Variants in LYPLAL1 observed in about 807,000 individuals in gnomAD.
LYPLAL1 encodes the protein lysophospholipase like 1, also known as lysophospholipase-like protein 1.
Under a neutral mutation model 19.7 loss-of-function variants are expected in LYPLAL1, and 23 were observed. That is an observed-to-expected ratio of 1.17 (90% CI 0.84 to 1.65). The LOEUF (loss-of-function observed/expected upper bound fraction) is 1.65, where lower values mean the gene tolerates loss of function less well. Among genes scored for constraint, LYPLAL1 ranks in the 40% most tolerant of loss-of-function variants. The probability of loss-of-function intolerance (pLI) is 0.00; values close to 1 mark genes in which losing one functional copy is unlikely to be tolerated. For missense variants in LYPLAL1, 355 were observed against 279.4 expected, an observed-to-expected ratio of 1.27 and a Z score of -1.93; for synonymous variants, 119 against 96.3, an observed-to-expected ratio of 1.24 and a Z score of -1.38.
chr1:219,302,791 AT>A, the LYPLAL1 span, among the ~76,000 whole-genome samples: 964 of 151,724 alleles, frequency 6.4e-3, 3 homozygotes, highest in Non-Finnish European at 0.011. Context: ...ACATCCTTCT[AT>A]TCTTGATGTT....
At chr1:219,235,772 A>G in the LYPLAL1 span, among the ~76,000 whole-genome samples, 13 of 152,314 alleles carry the variant, frequency 8.5e-5, no homozygotes, top group Admixed American at 7.2e-4. Context: ...TGCTTTATAC[A>G]TGAATTTCCA....
the LYPLAL1 span, among the ~76,000 whole-genome samples, chr1:219,407,215 A>T: frequency 6.6e-6 from 1 of 152,210 alleles, no homozygotes; most frequent in African/African-American, 2.4e-5. Context: ...GGCTAGGAAA[A>T]CAAAAAAAAT....
the LYPLAL1 span, among the ~76,000 whole-genome samples, chr1:219,265,002 C>A: frequency 6.6e-6 from 1 of 152,128 alleles, no homozygotes; most frequent in Non-Finnish European, 1.5e-5. Context: ...AACAATATTT[C>A]TTCTCAAGTA....
chr1:219,438,224 G>T, the LYPLAL1 span, among the ~76,000 whole-genome samples: 251 of 152,300 alleles, frequency 1.6e-3, no homozygotes, highest in African/African-American at 5.8e-3. Context: ...CTCATCTGGA[G>T]ACTTGAGACT....
the LYPLAL1 span, among the ~76,000 whole-genome samples, chr1:219,274,082 T>C: frequency 6.6e-6 from 1 of 152,204 alleles, no homozygotes; most frequent in Non-Finnish European, 1.5e-5. Flanking sequence ...TATAAAGTTT[T>C]GCTGATGGCG....
chr1:219,321,960 C>G, the LYPLAL1 span, among the ~76,000 whole-genome samples: 1 of 152,236 alleles, frequency 6.6e-6, no homozygotes, highest in South Asian at 2.1e-4. Context: ...AGTCCCAATG[C>G]TTTGGATAAA....
the LYPLAL1 span, among the ~76,000 whole-genome samples, chr1:219,291,824 A>G: frequency 6.6e-6 from 1 of 152,108 alleles, no homozygotes; most frequent in Non-Finnish European, 1.5e-5. Flanking sequence ...TTATGTTACA[A>G]AATGCTCCCA....
chr1:219,284,692 G>A, the LYPLAL1 span, among the ~76,000 whole-genome samples: 1 of 152,060 alleles, frequency 6.6e-6, no homozygotes, highest in African/African-American at 2.4e-5. Context: ...TATGATGTAG[G>A]GACTACTGTT....
the LYPLAL1 span, among the ~76,000 whole-genome samples, chr1:219,308,183 T>C: frequency 6.6e-6 from 1 of 152,154 alleles, no homozygotes; most frequent in Admixed American, 6.5e-5. Context: ...TATGGAACTT[T>C]GAACTTGAGA....
At chr1:219,360,861 C>T in the LYPLAL1 span, among the ~76,000 whole-genome samples, 1 of 152,172 alleles carries the variant, frequency 6.6e-6, no homozygotes, top group Non-Finnish European at 1.5e-5. Flanking sequence ...GGGTGGACTT[C>T]TCTACTGGAG....
intron 2 of LYPLAL1, among the ~76,000 whole-genome samples, chr1:219,189,312 T>C (rs997334647): frequency 2.6e-5 from 4 of 151,650 alleles, no homozygotes; most frequent in African/African-American, 9.7e-5. Flanking sequence ...ATAGGCTCAT[T>C]TGAATTTTAA....
At chr1:219,261,362 G>T in the LYPLAL1 span, among the ~76,000 whole-genome samples, 1 of 152,090 alleles carries the variant, frequency 6.6e-6, no homozygotes, top group African/African-American at 2.4e-5. Context: ...AAGGTTTGGG[G>T]TTATATTACT....
chr1:219,367,096 A>G, the LYPLAL1 span, among the ~76,000 whole-genome samples: 7 of 152,138 alleles, frequency 4.6e-5, no homozygotes, highest in African/African-American at 1.7e-4. Flanking sequence ...ACCCCGAGAT[A>G]ACTTTGCCAC....
the LYPLAL1 span, among the ~76,000 whole-genome samples, chr1:219,221,993 A>G: frequency 6.6e-6 from 1 of 152,142 alleles, no homozygotes; most frequent in African/African-American, 2.4e-5. Flanking sequence ...TCCTCGCCCT[A>G]TGGGACCCAG....
chr1:219,359,448 C>T, the LYPLAL1 span, among the ~76,000 whole-genome samples: 1 of 152,146 alleles, frequency 6.6e-6, no homozygotes, highest in Non-Finnish European at 1.5e-5. Flanking sequence ...ATCAGACAAG[C>T]GGTTTTCTTG....
At chr1:219,358,898 T>C in the LYPLAL1 span, among the ~76,000 whole-genome samples, 3 of 152,014 alleles carry the variant, frequency 2.0e-5, no homozygotes, top group Admixed American at 2.0e-4. Flanking sequence ...GAGACAGAGG[T>C]TATCACTTAC....
chr1:219,326,493 C>A, the LYPLAL1 span, among the ~76,000 whole-genome samples: 1 of 152,048 alleles, frequency 6.6e-6, no homozygotes, highest in Non-Finnish European at 1.5e-5. Context: ...TATTATAATT[C>A]CAGTGGAGGT....
At chr1:219,184,245 T>G (rs1656537736) in intron 2 of LYPLAL1, among the ~76,000 whole-genome samples, 1 of 151,906 alleles carries the variant, frequency 6.6e-6, no homozygotes, top group Admixed American at 6.6e-5. Flanking sequence ...AGTGTAGAAG[T>G]CTTTTGCTAA....
intron 3 of LYPLAL1, among the ~76,000 whole-genome samples, chr1:219,193,668 C>G (rs1657379845): frequency 6.6e-6 from 1 of 151,848 alleles, no homozygotes; most frequent in Non-Finnish European, 1.5e-5. Flanking sequence ...GTTAATCTCA[C>G]AAGAATATTT....
Sources: gnomAD v4.1 joint callset for allele counts (sites outside exome capture counted in the v4.1 genomes callset) on GRCh38, gnomAD v4.1.1 for gene constraint, MANE v1.5 for transcripts, NCBI Gene and HGNC (gene_info 2026-07-23, HGNC 2026-07-21) for gene names.